The following NEK10 variants were observed in gnomAD, a reference collection of about 807,000 sequenced individuals.
NEK10 encodes serine/threonine-protein kinase Nek10.
NEK10 carries 122 observed loss-of-function variants against 159.8 expected under a neutral mutation model. That is an observed-to-expected ratio of 0.76 (90% CI 0.66 to 0.89). The LOEUF is 0.89. Among genes scored for constraint, NEK10 ranks in the 40% least tolerant of loss-of-function variants. The pLI, the probability that NEK10 is intolerant of heterozygous loss-of-function variation, is 0.00. For missense variants in NEK10, 1,342 were observed against 1,323.1 expected, an observed-to-expected ratio of 1.01 and a Z score of -0.22; for synonymous variants, 466 against 457.1, an observed-to-expected ratio of 1.02 and a Z score of -0.25.
chr3:27,175,133 A>G (rs1350848314), intron 26 of NEK10, among the ~76,000 whole-genome samples: 1 of 152,224 alleles, frequency 6.6e-6, no homozygotes, highest in Non-Finnish European at 1.5e-5. Context: ...GAAATAGACT[A>G]TATTAATTTA....
At chr3:27,193,841 C>G (rs896581608) in intron 25 of NEK10, among the ~76,000 whole-genome samples, 1 of 152,094 alleles carries the variant, frequency 6.6e-6, no homozygotes, top group South Asian at 2.1e-4. Context: ...TGTTTCACCA[C>G]TAGACTGGAA....
intron 30 of NEK10, among the ~76,000 whole-genome samples, chr3:27,145,296 C>T (rs774860035): frequency 1.9e-4 from 29 of 152,046 alleles, no homozygotes; most frequent in Non-Finnish European, 3.4e-4. Context: ...GTGGTATTTC[C>T]TACTGCAAAA....
At chr3:27,215,743 C>T (rs1951452400) in intron 23 of NEK10, 2 of 711,136 alleles carry the variant, frequency 2.8e-6, no homozygotes, top group South Asian at 3.0e-5. Context: ...GTTCTGCAGG[C>T]TGTACAGGAA....
At chr3:27,329,453 G>A (rs561100270) in intron 5 of NEK10, among the ~76,000 whole-genome samples, 10 of 152,210 alleles carry the variant, frequency 6.6e-5, no homozygotes, top group East Asian at 3.9e-4. Context: ...GTGGAAATGC[G>A]GCTCCCAGGA....
At chr3:27,128,042 T>C (rs73141410) in intron 32 of NEK10, among the ~76,000 whole-genome samples, 11,964 of 152,164 alleles carry the variant, frequency 0.079, 1,534 homozygotes, top group African/African-American at 0.27. Flanking sequence ...GATAGCTAGA[T>C]CCAGAGCAGG....
intron 23 of NEK10, among the ~76,000 whole-genome samples, chr3:27,227,081 A>C (rs1422649082): frequency 1.3e-5 from 2 of 152,204 alleles, no homozygotes; most frequent in African/African-American, 4.8e-5. Flanking sequence ...TTCATTGAAC[A>C]AGCATTTTCT....
At chr3:27,250,710 T>C (rs1955560273) in intron 23 of NEK10, among the ~76,000 whole-genome samples, 1 of 152,146 alleles carries the variant, frequency 6.6e-6, no homozygotes, top group Non-Finnish European at 1.5e-5. Flanking sequence ...AAATTTTTTT[T>C]TTCCTTCAGC....
Position 27,193,076 on chromosome 3 carries a change from C to T in NEK10, c.2292-834G>A, listed in dbSNP as rs146489301. ...TCATTAAACTGGTATGGTGTTTGAA[C>T]GAGGTAATCTCTGTGAAGTGCACAT... On this transcript the variant is annotated intron_variant, in intron 25 of 35. Coordinates refer to ENST00000691995, the MANE Select transcript of NEK10 (RefSeq NM_001394966.1). Among the ~76,000 whole-genome samples the T allele has an allele frequency of 2.8e-3, 420 of 152,260 alleles. 1 individual carries two copies. Among genetic ancestry groups the T allele is most frequent in the Middle Eastern group, 0.014 (4 of 294 alleles).
At chr3:27,163,291 C>A (rs1275343544) in intron 29 of NEK10, among the ~76,000 whole-genome samples, 3 of 152,040 alleles carry the variant, frequency 2.0e-5, no homozygotes, top group Non-Finnish European at 4.4e-5. Context: ...TGGCCTTAGA[C>A]CCCACCAGGG....
intron 32 of NEK10, among the ~76,000 whole-genome samples, chr3:27,127,161 T>A (rs554447996): frequency 6.6e-6 from 1 of 152,234 alleles, no homozygotes; most frequent in South Asian, 2.1e-4. Context: ...CTCCCCCACT[T>A]CCCTTCCTAC....
rs144366359 is a variant in NEK10 at position 27,155,844 on chromosome 3, G to A, written c.2869+6857C>T. ...GTCTGCATAGCCAAATCAAGACTAA[G>A]CAAAAAGAACAAATCTGGAGGCATC... On this transcript the variant is annotated intron_variant, in intron 30 of 35. Coordinates refer to ENST00000691995, the MANE Select transcript of NEK10 (RefSeq NM_001394966.1). 6.2e-4 allele frequency among the ~76,000 whole-genome samples: 95 copies of A among 152,114 alleles called. 1 individual carries two copies. Among genetic ancestry groups the A allele is most frequent in the African/African-American group, 2.2e-3 (90 of 41,514 alleles).
At chr3:27,116,954 C>T (rs185823639) in intron 33 of NEK10, among the ~76,000 whole-genome samples, 8 of 152,200 alleles carry the variant, frequency 5.3e-5, no homozygotes, top group Admixed American at 3.9e-4. Context: ...AGCTATTTAT[C>T]CTGATGCTCT....
At chr3:27,268,529 A>G (rs1437710450) in intron 22 of NEK10, among the ~76,000 whole-genome samples, 2 of 152,172 alleles carry the variant, frequency 1.3e-5, no homozygotes, top group African/African-American at 4.8e-5. Flanking sequence ...CTTGTTGTCT[A>G]TAAGTGGAAC....
chr3:27,167,100 T>C (rs369716654), intron 29 of NEK10, among the ~76,000 whole-genome samples: 3 of 152,038 alleles, frequency 2.0e-5, no homozygotes, highest in African/African-American at 7.3e-5. Flanking sequence ...AACTATACCC[T>C]GTTGCCTTGG....
In NEK10 at chr3:27,128,208, T is replaced by C. The variant is rs190974844; in HGVS notation, c.3081+3672A>G. 2.7e-3 allele frequency among the ~76,000 whole-genome samples: 410 copies of C among 152,300 alleles called. 3 individuals carry two copies. Among genetic ancestry groups the C allele is most frequent in the African/African-American group, 9.7e-3 (403 of 41,564 alleles). ...CTGCAGTTGCGTTCCAACAACACTT[T>C]ATTTACAAACACAGGCATCAGAAAT... is the stretch of plus-strand genomic sequence containing the variant. On this transcript the variant is annotated intron_variant, in intron 32 of 35. Transcript: ENST00000691995.
intron 5 of NEK10, among the ~76,000 whole-genome samples, chr3:27,328,374 G>T (rs1050480917): frequency 1.3e-5 from 2 of 152,126 alleles, no homozygotes; most frequent in African/African-American, 2.4e-5. Flanking sequence ...TGAGTACTGG[G>T]CATGCTATTT....
chr3:27,126,504 A>G (rs557803998), intron 32 of NEK10, among the ~76,000 whole-genome samples: 1 of 152,264 alleles, frequency 6.6e-6, no homozygotes, highest in African/African-American at 2.4e-5. Flanking sequence ...ATATACCATA[A>G]GTTCACAGTG....
chr3:27,205,414 A>G (rs1950458838), intron 23 of NEK10, among the ~76,000 whole-genome samples: 1 of 121,116 alleles, frequency 8.3e-6, no homozygotes. Context: ...ATCCTAAGCC[A>G]AAAGAACAAA....
Position 27,257,183 on chromosome 3 carries a change from G to T in NEK10, c.2015-812C>A, listed in dbSNP as rs28370363. 3.1e-3 allele frequency among the ~76,000 whole-genome samples: 478 copies of T among 152,160 alleles called. 4 individuals are homozygous for T. The highest frequency in any genetic ancestry group is 0.011 in the African/African-American group (450 of 41,500). On this transcript the variant is annotated intron_variant, in intron 22 of 35. Transcript: ENST00000691995. ...CCTGCCTTGGCCTCTCAAAGTGCTG[G>T]GATTACAGGCGTGAGCCACCAGGCC...
Sources: gnomAD v4.1 joint callset for allele counts (sites outside exome capture counted in the v4.1 genomes callset) on GRCh38, gnomAD v4.1.1 for gene constraint, MANE v1.5 for transcripts, NCBI Gene and HGNC (gene_info 2026-07-23, HGNC 2026-07-21) for gene names.